Variants in PRR5L observed in about 807,000 individuals in gnomAD.
PRR5L encodes the protein proline rich 5 like.
PRR5L carries 21 observed loss-of-function variants against 36.4 expected under a neutral mutation model. The observed-to-expected ratio is 0.58, with a 90% CI of 0.41 to 0.83. The LOEUF is 0.83. Among genes scored for constraint, PRR5L ranks in the 40% least tolerant of loss-of-function variants. PRR5L has a pLI of 0.00. For missense variants in PRR5L, 381 were observed against 473.3 expected (o/e 0.80, Z 1.81); for synonymous variants, 188 against 197.0 (o/e 0.95, Z 0.38).
At chr11:36,346,768 A>G (rs1424795931) in intron 1 of PRR5L, among the ~76,000 whole-genome samples, 1 of 152,170 alleles carries the variant, frequency 6.6e-6, no homozygotes, top group Non-Finnish European at 1.5e-5. Flanking sequence ...AAGGGAGACC[A>G]CAATGTTTAC....
At chr11:36,351,455 A>ATAT (rs370424340) in intron 1 of PRR5L, among the ~76,000 whole-genome samples, 802 of 29,980 alleles carry the variant, frequency 0.027, 20 homozygotes, top group East Asian at 0.19. Context: ...ATATTTATAT[A>ATAT]TTTATATATT....
intron 1 of PRR5L, chr11:36,386,373 A>G (rs635368): frequency 0.72 from 109,738 of 152,168 alleles, 39,817 homozygotes; most frequent in East Asian, 0.8. Context: ...GCTCAGTACT[A>G]TGCTAGGCAC....
intron 1 of PRR5L, among the ~76,000 whole-genome samples, chr11:36,336,469 A>G (rs1173222345): frequency 6.7e-6 from 1 of 148,274 alleles, no homozygotes; most frequent in Non-Finnish European, 1.5e-5. Flanking sequence ...GGTTCAAGTG[A>G]TCTGCCTGCC....
chr11:36,428,733 C>T (rs576832598), intron 4 of PRR5L, among the ~76,000 whole-genome samples: 14 of 152,290 alleles, frequency 9.2e-5, no homozygotes, highest in African/African-American at 3.1e-4. Context: ...GCAAAATCTA[C>T]AGACTCCTGG....
chr11:36,442,451 C>T (rs1006426697), intron 6 of PRR5L, among the ~76,000 whole-genome samples: 9 of 152,050 alleles, frequency 5.9e-5, no homozygotes, highest in Admixed American at 2.0e-4. Context: ...AAGCTATTCT[C>T]CTGCCTCAGC....
chr11:36,322,607 TG>T (rs2133465291), intron 1 of PRR5L, among the ~76,000 whole-genome samples: 1 of 152,308 alleles, frequency 6.6e-6, no homozygotes, highest in South Asian at 2.1e-4. Flanking sequence ...GGGTTGAGTA[TG>T]TGATCCAGAC....
At chr11:36,331,856 C>A (rs1192567494) in intron 1 of PRR5L, among the ~76,000 whole-genome samples, 1 of 152,116 alleles carries the variant, frequency 6.6e-6, no homozygotes, top group Non-Finnish European at 1.5e-5. Flanking sequence ...TTGTATTAGT[C>A]AGGGTTCTCC....
At chr11:36,458,182 T>TG (rs895685127) in intron 8 of PRR5L, among the ~76,000 whole-genome samples, 165 of 152,306 alleles carry the variant, frequency 1.1e-3, no homozygotes, top group African/African-American at 3.9e-3. Flanking sequence ...TAGCATCTGC[T>TG]GGGGGGCAGT....
chr11:36,311,965 C>T (rs950739135), intron 1 of PRR5L, among the ~76,000 whole-genome samples: 1 of 152,008 alleles, frequency 6.6e-6, no homozygotes, highest in Non-Finnish European at 1.5e-5. Flanking sequence ...GAAGATGCCC[C>T]CCTGAATATT....
intron 1 of PRR5L, among the ~76,000 whole-genome samples, chr11:36,384,660 C>CTTCT (rs138334033): frequency 7.4e-4 from 111 of 149,408 alleles, no homozygotes; most frequent in Middle Eastern, 3.4e-3. Context: ...CTTTTTCTCT[C>CTTCT]TTCTTTCTTT....
At chr11:36,382,911 G>T (rs991409525) in intron 1 of PRR5L, among the ~76,000 whole-genome samples, 1 of 152,142 alleles carries the variant, frequency 6.6e-6, no homozygotes, top group Non-Finnish European at 1.5e-5. Flanking sequence ...CCCAGTGAAT[G>T]AAAATGACTA....
intron 3 of PRR5L, among the ~76,000 whole-genome samples, chr11:36,407,005 G>A (rs1349928393): frequency 6.6e-6 from 1 of 152,190 alleles, no homozygotes; most frequent in Non-Finnish European, 1.5e-5. Context: ...TGGTCATTGG[G>A]AGGATTGAGA....
At chr11:36,406,287 A>G (rs886244870) in intron 3 of PRR5L, among the ~76,000 whole-genome samples, 2 of 152,106 alleles carry the variant, frequency 1.3e-5, no homozygotes, top group Non-Finnish European at 2.9e-5. Context: ...TGGGAAATAC[A>G]TATGGTTGAG....
chr11:36,403,453 A>T, intron 3 of PRR5L, 75 bp downstream of exon 3: 5 of 1,040,582 alleles, frequency 4.8e-6, no homozygotes, highest in South Asian at 1.4e-5. Flanking sequence ...CCGCCTTAGG[A>T]GCCTTAAGGG....
intron 1 of PRR5L, among the ~76,000 whole-genome samples, chr11:36,341,161 G>T (rs1856813597): frequency 6.6e-6 from 1 of 151,608 alleles, no homozygotes. Flanking sequence ...CATCCTTCCT[G>T]AGCCTCCCTG....
At chr11:36,422,847 A>G (rs1858298803) in intron 4 of PRR5L, among the ~76,000 whole-genome samples, 1 of 152,218 alleles carries the variant, frequency 6.6e-6, no homozygotes, top group South Asian at 2.1e-4. Flanking sequence ...TTGTGTCCGG[A>G]AGGAAAATTG....
intron 1 of PRR5L, among the ~76,000 whole-genome samples, chr11:36,354,200 C>T (rs148878080): frequency 1.2e-4 from 18 of 152,132 alleles, no homozygotes; most frequent in East Asian, 5.8e-4. Context: ...GTTTTGAAGA[C>T]GAAACAAAAA....
intron 1 of PRR5L, among the ~76,000 whole-genome samples, chr11:36,365,453 T>A (rs539457960): frequency 6.6e-6 from 1 of 152,380 alleles, no homozygotes; most frequent in African/African-American, 2.4e-5. Flanking sequence ...TCCTGCTGAA[T>A]ATTATTTCCT....
chr11:36,413,796 T>G (rs1007797574), intron 3 of PRR5L, among the ~76,000 whole-genome samples: 1 of 151,306 alleles, frequency 6.6e-6, no homozygotes, highest in Non-Finnish European at 1.5e-5. Context: ...TGTGCCATGC[T>G]GGTGTGCTGC....
Sources: allele counts gnomAD v4.1 joint callset (sites outside exome capture counted in the v4.1 genomes callset), GRCh38; gene constraint gnomAD v4.1.1; transcripts MANE v1.5; gene names NCBI Gene and HGNC (gene_info 2026-07-23, HGNC 2026-07-21).